The following BDP1 variants were observed in gnomAD, a reference collection of about 807,000 sequenced individuals.
The protein encoded by BDP1 is transcription factor TFIIIB component B'' homolog.
BDP1 carries 169 observed loss-of-function variants against 266.6 expected under a neutral mutation model. The observed-to-expected ratio is 0.63, with a 90% CI of 0.56 to 0.72. BDP1 has a LOEUF of 0.72. Among genes scored for constraint, BDP1 ranks in the 30% least tolerant of loss-of-function variants. BDP1 has a pLI of 0.00. For missense variants in BDP1, 3,015 were observed against 3,053.8 expected (o/e 0.99, Z 0.30); for synonymous variants, 1,090 against 1,022.4 (o/e 1.07, Z -1.26).
rs1761891030 is a variant in BDP1, at chr5:71,466,109, A to G, written c.673A>G (p.Ser225Gly). Residue 225 changes from serine to glycine, a missense_variant, in exon 5 of 39, where the codon AGT becomes GGT. Ser to Gly is a moderately conservative substitution (Grantham distance 56, BLOSUM62 0). Around this residue, in one of 3 missense-constraint regions of BDP1, gnomAD observed 2,383 missense variants for 2,404.9 expected, o/e 0.99. Transcript: ENST00000358731. ...TATATGTGGTAGGCAAGAAGGTAAG[A>G]GTACTCCTAATGCTGAAGATAATGA... ...PVQTREQEGK[S>G]TPNAEDNEME... The G allele has an allele frequency of 1.2e-6, 2 of 1,613,744 alleles. No homozygotes were observed. The highest frequency in any genetic ancestry group is 2.2e-5 in the South Asian group (2 of 91,032).
At chr5:71,500,435 C>T (rs1764166301) in intron 13 of BDP1, among the ~76,000 whole-genome samples, 1 of 150,824 alleles carries the variant, frequency 6.6e-6, no homozygotes, top group African/African-American at 2.4e-5. Flanking sequence ...GGCGATTCCC[C>T]TGCCCTCAGC....
intron 38 of BDP1, among the ~76,000 whole-genome samples, chr5:71,563,490 AT>A (rs1036745985): frequency 1.1e-4 from 16 of 148,946 alleles, no homozygotes; most frequent in Middle Eastern, 3.5e-3. Context: ...AAAGATTGCA[AT>A]TTTTTTTTTC....
rs1184703957 is a variant in BDP1, at chr5:71,509,697, G to T, written c.2605G>T (p.Glu869Ter). The change falls in exon 17 of 39, where the codon GAA becomes TAA. Residue 869 changes from glutamate to a stop codon, truncating the protein, a stop_gained. Transcript: ENST00000358731. LOFTEE classifies it high-confidence loss of function. ...GGTACCAGCAGAGATTAATACTAAA[G>T]AAATGCAGTCAGATTTAAAAGAAAC... The part of the protein sequence containing the change: ...EMVPAEINTK[E>*]MQSDLKETGR... 2 of 1,613,642 alleles carry T rather than the reference G, an allele frequency of 1.2e-6. No individual in the cohort carries two copies. The highest frequency in any genetic ancestry group is 2.2e-5 in the East Asian group (1 of 44,894).
Position 71,461,809 on chromosome 5 carries a change from G to T in BDP1, c.490-8G>T. The T allele has an allele frequency of 6.7e-7, 1 of 1,490,310 alleles. No individual in the cohort carries two copies. The highest frequency in any genetic ancestry group is 9.3e-7 in the Non-Finnish European group (1 of 1,077,952). 92.3% of individuals were successfully genotyped at this position (1,490,310 alleles called of 1,614,324 possible). On this transcript the variant is annotated splice_polypyrimidine_tract_variant and splice_region_variant and intron_variant, in intron 2 of 38. Coordinates refer to ENST00000358731, the MANE Select transcript of BDP1 (RefSeq NM_018429.3). ...TATAAAAGTGGATCTGTGTGTTTAT[G>T]TATACAGAAACAATGGAAAAACAAA...
chr5:71,518,871 G>A (rs1017554423), intron 22 of BDP1, among the ~76,000 whole-genome samples: 4 of 142,498 alleles, frequency 2.8e-5, no homozygotes, highest in Non-Finnish European at 4.5e-5. Context: ...GAGTCTCAGA[G>A]TGCAGTGGCT....
chr5:71,550,466 A>AT (rs79905199), intron 34 of BDP1, among the ~76,000 whole-genome samples: 3 of 122,718 alleles, frequency 2.4e-5, no homozygotes, highest in Admixed American at 7.5e-5. Context: ...TTAAAAAAAA[A>AT]TTTTTTTTTT....
chr5:71,517,407 T>A lies in BDP1; in HGVS notation c.4946T>A (p.Val1649Asp). The change falls in exon 22 of 39, where the codon GTT (valine) becomes GAT (aspartate). Residue 1649 changes from valine to aspartate, a missense_variant. Physicochemically the swap from Val to Asp is radical, Grantham distance 152. This residue lies in a region of BDP1 where 2,383 missense variants were observed against 2,404.9 expected (regional missense o/e 0.99). Coordinates refer to ENST00000358731, the MANE Select transcript of BDP1 (RefSeq NM_018429.3). Reference sequence around the variant, plus strand: ...ATGTATGAAAATCAAAGTCAGGTGGTTCTTGTAGAAAACCTTCATGTTAAC... The same window carrying A: ...ATGTATGAAAATCAAAGTCAGGTGGATCTTGTAGAAAACCTTCATGTTAAC... Reference protein sequence around the residue: ...HRMYENQSQVVLVENLHVNKT... With the variant: ...HRMYENQSQVDLVENLHVNKT... 1 of 1,604,906 alleles carries A rather than the reference T, an allele frequency of 6.2e-7. No homozygotes were observed. Among genetic ancestry groups the A allele is most frequent in the Non-Finnish European group, 8.5e-7 (1 of 1,177,616 alleles).
intron 37 of BDP1, 38 bp from the exon 38 acceptor site, chr5:71,562,236 C>T: frequency 3.3e-6 from 3 of 898,522 alleles, no homozygotes; most frequent in East Asian, 2.9e-5. Flanking sequence ...ATGTGTCTTC[C>T]TGGGTATTCT....
chr5:71,468,162 G>C (rs1230226017), intron 6 of BDP1, among the ~76,000 whole-genome samples: 1 of 151,994 alleles, frequency 6.6e-6, no homozygotes, highest in Non-Finnish European at 1.5e-5. Flanking sequence ...GGGATTACAG[G>C]CATCTGCCAC....
Position 71,524,231 on chromosome 5 carries a change from C to G in BDP1, c.5680C>G (p.Pro1894Ala). Reference protein sequence around the residue: ...DYEEESYHLAPEEVNKAPVFV... With the variant: ...DYEEESYHLAAEEVNKAPVFV... ...TGAGGAAGAAAGCTATCATCTTGCT[C>G]CCGAAGAAGTAAACAAAGCTCCAGT... The change falls in exon 25 of 39, where the codon CCC (proline) becomes GCC (alanine). Residue 1894 changes from proline (P) to alanine (A), a missense_variant. Physicochemically the swap from Pro to Ala is conservative, Grantham distance 27 (BLOSUM62 -1). Around this residue, in one of 3 missense-constraint regions of BDP1, gnomAD observed 2,383 missense variants for 2,404.9 expected, o/e 0.99. Transcript: ENST00000358731. The G allele has an allele frequency of 6.2e-7, 1 of 1,614,134 alleles. No individual in the cohort carries two copies. The highest frequency in any genetic ancestry group is 1.7e-5 in the Admixed American group (1 of 60,020).
At chr5:71,512,455 A>T (rs755480647) in intron 18 of BDP1, 27 bp downstream of exon 18, 7 of 1,409,808 alleles carry the variant, frequency 5.0e-6, no homozygotes, top group Admixed American at 2.6e-5. Context: ...AAAGAAAAAG[A>T]TATTAAGTTA....
chr5:71,458,948 G>A (rs1579967497), intron 2 of BDP1, 93 bp downstream of exon 2: 2 of 1,218,982 alleles, frequency 1.6e-6, no homozygotes, highest in Non-Finnish European at 1.1e-6. Context: ...TTTTGATGGG[G>A]GAACAAAACC....
At position 71,468,885 on chromosome 5, in the gene BDP1, G is replaced by A. The variant is rs915177498; in HGVS notation, c.919+1398G>A. Reference sequence around the variant, plus strand: ...GCCTCCCAAAGTGCTGGGATTACACGCGTGAGCCACTGTGCCCAGCCAACA... The same window carrying A: ...GCCTCCCAAAGTGCTGGGATTACACACGTGAGCCACTGTGCCCAGCCAACA... On this transcript the variant is annotated intron_variant, in intron 6 of 38. Transcript: ENST00000358731. Among the ~76,000 whole-genome samples, 15 of 152,092 alleles carry A rather than the reference G, an allele frequency of 9.9e-5. 1 individual carries two copies. The highest frequency in any genetic ancestry group is 3.6e-4 in the African/African-American group (15 of 41,518).
At chr5:71,550,153 A>G (rs1287271038) in intron 34 of BDP1, among the ~76,000 whole-genome samples, 6 of 152,204 alleles carry the variant, frequency 3.9e-5, no homozygotes, top group South Asian at 2.1e-4. Context: ...TGGGAGGCCA[A>G]GGTGGGCAGA....
At chr5:71,530,482 A>T (rs1006302585) in intron 25 of BDP1, among the ~76,000 whole-genome samples, 2 of 151,830 alleles carry the variant, frequency 1.3e-5, no homozygotes, top group African/African-American at 4.8e-5. Context: ...GAGCTCAAAC[A>T]ATCTGCCAAC....
In BDP1 at chr5:71,455,813, C is replaced by A; in HGVS notation, c.-65C>A. 1 of 1,416,256 alleles carries A rather than the reference C, an allele frequency of 7.1e-7. No homozygotes were observed. Among genetic ancestry groups the A allele is most frequent in the Non-Finnish European group, 9.6e-7 (1 of 1,046,910 alleles). 87.7% of individuals were successfully genotyped at this position (1,416,256 alleles called of 1,614,324 possible). A position where few individuals can be genotyped will look rare whatever the true frequency, so the allele number is the denominator to read the frequency against. ...CGTAGTTCCTAATCCCCTTTCCGGG[C>A]AGCCGCCGGGGCTCGGGGCTGTGAG... On this transcript the variant is annotated 5_prime_UTR_variant, in exon 1 of 39. Coordinates refer to ENST00000358731, the MANE Select transcript of BDP1 (RefSeq NM_018429.3).
intron 16 of BDP1, among the ~76,000 whole-genome samples, chr5:71,504,996 T>C (rs1764499608): frequency 6.6e-6 from 1 of 152,168 alleles, no homozygotes; most frequent in Non-Finnish European, 1.5e-5. Context: ...AATAGCCTTA[T>C]CACTTTATTT....
intron 16 of BDP1, among the ~76,000 whole-genome samples, chr5:71,507,544 T>C (rs1764650047): frequency 6.6e-6 from 1 of 152,240 alleles, no homozygotes; most frequent in South Asian, 2.1e-4. Context: ...AGCATTTATA[T>C]GTTTAAATAA....
chr5:71,461,393 C>A (rs1484066886), intron 2 of BDP1, among the ~76,000 whole-genome samples: 3 of 151,512 alleles, frequency 2.0e-5, no homozygotes, highest in Non-Finnish European at 2.9e-5. Flanking sequence ...TCACTTGAGC[C>A]CAGGAATTTG....
Sources: allele counts gnomAD v4.1 joint callset (sites outside exome capture counted in the v4.1 genomes callset), GRCh38; gene constraint gnomAD v4.1.1; regional missense constraint gnomAD v4.1.1; transcripts MANE v1.5; gene names NCBI Gene and HGNC (gene_info 2026-07-23, HGNC 2026-07-21).